The following DERA variants were observed in gnomAD, a reference collection of about 807,000 sequenced individuals.
DERA encodes the protein deoxyribose-phosphate aldolase.
A neutral mutation model predicts 41.1 loss-of-function variants in DERA; 15 were observed. That is an observed-to-expected ratio of 0.37 (90% CI 0.24 to 0.56). The LOEUF (loss-of-function observed/expected upper bound fraction) is 0.56. Ranked by LOEUF, DERA falls within the 20% of genes least tolerant of loss-of-function variation. The pLI, the probability that DERA is intolerant of heterozygous loss-of-function variation, is 0.81. For synonymous variants in DERA, 139 were observed against 137.4 expected (o/e 1.01, Z -0.08); for missense variants, 396 against 403.4 (o/e 0.98, Z 0.16).
At chr12:15,956,902 T>G in intron 1 of DERA, 34 bp from the exon 2 acceptor site, 1 of 1,465,736 alleles carries the variant, frequency 6.8e-7, no homozygotes, top group Non-Finnish European at 9.6e-7. Context: ...AATGAAACTT[T>G]AGGTTTCAGA....
Position 15,982,501 on chromosome 12 carries a change from G to A in DERA, c.637+65G>A, listed in dbSNP as rs1948739471. On this transcript the variant is annotated intron_variant, in intron 6 of 8. Coordinates refer to ENST00000428559, the MANE Select transcript of DERA (RefSeq NM_015954.4). The surrounding 1 kb of genome is among the most constrained non-coding windows in gnomAD (Gnocchi z 4.0). ...GATGTTTTTAGGAGAAATTAAGTAA[G>A]TGAAAGCATTTAGCTATTATTAAAC... 6.7e-7 allele frequency: 1 copy of A among 1,484,588 alleles called. No homozygotes were observed. Among genetic ancestry groups the A allele is most frequent in the Non-Finnish European group, 9.0e-7 (1 of 1,110,656 alleles). 92.0% of individuals were successfully genotyped at this position (1,484,588 alleles called of 1,614,324 possible).
intron 5 of DERA, among the ~76,000 whole-genome samples, chr12:15,975,157 T>C (rs1948688590): frequency 6.6e-6 from 1 of 151,142 alleles, no homozygotes; most frequent in African/African-American, 2.4e-5. Flanking sequence ...CAGACCAGAG[T>C]TTTGTTTTAT....
rs1312272214 is a variant in DERA at position 16,004,917 on chromosome 12, C to T, written c.637+22481C>T. On this transcript the variant is annotated intron_variant, in intron 6 of 8. Coordinates refer to ENST00000428559, the MANE Select transcript of DERA (RefSeq NM_015954.4). This position sits in a 1 kb window ranked among gnomAD's most constrained non-coding sequence, Gnocchi z 4.2. ...TTGATAATTTAATGGGATTTATGAA[C>T]CTATTTTAAGAGTTAGAGTCTGTGA... Among the ~76,000 whole-genome samples, 1 of 152,022 alleles carries T rather than the reference C, an allele frequency of 6.6e-6. No individual in the cohort carries two copies. The highest frequency in any genetic ancestry group is 2.4e-5 in the African/African-American group (1 of 41,384).
At chr12:15,923,625 T>G (rs1948261637) in intron 1 of DERA, among the ~76,000 whole-genome samples, 1 of 152,122 alleles carries the variant, frequency 6.6e-6, no homozygotes, top group African/African-American at 2.4e-5. Context: ...TACCTTGACT[T>G]AAAAATTCTT....
At chr12:15,964,157 A>G (rs906750360) in intron 5 of DERA, among the ~76,000 whole-genome samples, 14 of 152,288 alleles carry the variant, frequency 9.2e-5, no homozygotes, top group African/African-American at 3.4e-4. Flanking sequence ...CTGAAGCTCC[A>G]GCACCTTACA....
rs892919517 is a variant in DERA, at chr12:15,999,890, C to A, written c.637+17454C>A. Among the ~76,000 whole-genome samples, 2 of 152,092 alleles carry A rather than the reference C, an allele frequency of 1.3e-5. No homozygotes were observed. The highest frequency in any genetic ancestry group is 2.9e-5 in the Non-Finnish European group (2 of 68,018). On this transcript the variant is annotated intron_variant, in intron 6 of 8. Transcript: ENST00000428559. The surrounding 1 kb of genome is among the most constrained non-coding windows in gnomAD (Gnocchi z 5.3). ...TGCTTTGTAGAAGCAGAGCAGTGAT[C>A]AGATTTTCATTTTAGGGACATAACC...
rs1191753867 is a variant in DERA, at chr12:15,967,533, T to A, written c.508+4586T>A. Among the ~76,000 whole-genome samples the A allele has an allele frequency of 6.6e-6, 1 of 152,244 alleles. No homozygotes were observed. Among genetic ancestry groups the A allele is most frequent in the Non-Finnish European group, 1.5e-5 (1 of 68,044 alleles). On this transcript the variant is annotated intron_variant, in intron 5 of 8. Transcript: ENST00000428559. The surrounding 1 kb of genome is among the most constrained non-coding windows in gnomAD (Gnocchi z 4.9). ...TTTTTTCTTGATTATTCCAAACTGT[T>A]TCATTACTGATTATATTATCCCAGA...
chr12:15,984,021 C>A lies in DERA; in HGVS notation c.637+1585C>A, dbSNP rs1948748721. ...GAGGCTACTTGGTGTACAGGTAGCC[C>A]CCCTTTATGCTGCTTGCCAGCACAA... On this transcript the variant is annotated intron_variant, in intron 6 of 8. Transcript: ENST00000428559. This position sits in a 1 kb window ranked among gnomAD's most constrained non-coding sequence, Gnocchi z 4.5. Among the ~76,000 whole-genome samples the A allele has an allele frequency of 6.6e-6, 1 of 152,108 alleles. No individual in the cohort carries two copies. The highest frequency in any genetic ancestry group is 2.4e-5 in the African/African-American group (1 of 41,408).
chr12:15,952,938 T>C (rs1369394245), intron 1 of DERA, among the ~76,000 whole-genome samples: 1 of 152,194 alleles, frequency 6.6e-6, no homozygotes, highest in Non-Finnish European at 1.5e-5. Context: ...TGCCCAGTTT[T>C]TTGGGCAGGG....
intron 5 of DERA, among the ~76,000 whole-genome samples, chr12:15,969,783 A>G (rs1948647898): frequency 6.6e-6 from 1 of 152,222 alleles, no homozygotes; most frequent in African/African-American, 2.4e-5. Flanking sequence ...CATCTCAAAA[A>G]TAAATTGGTA....
chr12:16,022,679 G>T (rs1374560878), intron 6 of DERA, among the ~76,000 whole-genome samples: 2 of 152,164 alleles, frequency 1.3e-5, no homozygotes, highest in Non-Finnish European at 2.9e-5. Flanking sequence ...ACCTGAGGTC[G>T]CAAGGTAAAC....
At position 16,015,687 on chromosome 12, in the gene DERA, T is replaced by A. The variant is rs547401356; in HGVS notation, c.638-16855T>A. ...ACTATCTATTTAAACCAATGACGGG[T>A]TACATCTTGTTGATTAGAGAGGAGG... On this transcript the variant is annotated intron_variant, in intron 6 of 8. Coordinates refer to ENST00000428559, the MANE Select transcript of DERA (RefSeq NM_015954.4). Among the ~76,000 whole-genome samples the A allele has an allele frequency of 3.1e-3, 471 of 152,298 alleles. 2 individuals are homozygous for A. The highest frequency in any genetic ancestry group is 0.011 in the African/African-American group (457 of 41,564).
chr12:16,033,048 T>C (rs894490171), intron 7 of DERA: 5 of 182,522 alleles, frequency 2.7e-5, no homozygotes, highest in Non-Finnish European at 5.7e-5. Context: ...CCTTGAGGAA[T>C]GGAAAGAATT....
chr12:15,961,426 A>C (rs1948586854), intron 4 of DERA, among the ~76,000 whole-genome samples: 1 of 152,182 alleles, frequency 6.6e-6, no homozygotes, highest in Non-Finnish European at 1.5e-5. Context: ...TGTGATCCCA[A>C]CACTTTGGGG....
intron 1 of DERA, among the ~76,000 whole-genome samples, chr12:15,942,759 A>T (rs1015428838): frequency 2.0e-5 from 3 of 152,252 alleles, no homozygotes; most frequent in Non-Finnish European, 4.4e-5. Context: ...AAGTAACACT[A>T]TTCACTGCAC....
In DERA at chr12:15,924,453, T is replaced by G. The variant is rs958429399; in HGVS notation, c.31+13039T>G. Among the ~76,000 whole-genome samples the G allele has an allele frequency of 2.0e-5, 3 of 152,228 alleles. No individual in the cohort carries two copies. Among genetic ancestry groups the G allele is most frequent in the Non-Finnish European group, 2.9e-5 (2 of 68,050 alleles). ...TAATTGAACTCAGTAAATATATTTT[T>G]CACTGTAGAGATTACAAATACAATA... On this transcript the variant is annotated intron_variant, in intron 1 of 8. Transcript: ENST00000428559. This position sits in a 1 kb window ranked among gnomAD's most constrained non-coding sequence, Gnocchi z 5.0.
rs1325287606 is a variant in DERA, at chr12:15,965,378, C to T, written c.508+2431C>T. Among the ~76,000 whole-genome samples, 1 of 152,132 alleles carries T rather than the reference C, an allele frequency of 6.6e-6. No individual in the cohort carries two copies. The highest frequency in any genetic ancestry group is 1.9e-4 in the East Asian group (1 of 5,188). On this transcript the variant is annotated intron_variant, in intron 5 of 8. Coordinates refer to ENST00000428559, the MANE Select transcript of DERA (RefSeq NM_015954.4). The surrounding 1 kb of genome is among the most constrained non-coding windows in gnomAD (Gnocchi z 4.1). ...AAACGTGTGCCATGGTGGTTTGCTG[C>T]ACCTATCAACCCATCACCTAGGTAG...
In DERA at chr12:16,009,285, A is replaced by T. The variant is rs1214901530; in HGVS notation, c.638-23257A>T. ...ATATTGGATTAAATTCAGCCCCTGG[A>T]GAGTGGAAATCCTAGGGTTTTATTC... is the stretch of plus-strand genomic sequence containing the variant. On this transcript the variant is annotated intron_variant, in intron 6 of 8. Transcript: ENST00000428559. This position sits in a 1 kb window ranked among gnomAD's most constrained non-coding sequence, Gnocchi z 5.3. Among the ~76,000 whole-genome samples the T allele has an allele frequency of 6.6e-6, 1 of 152,172 alleles. No homozygotes were observed. The highest frequency in any genetic ancestry group is 1.5e-5 in the Non-Finnish European group (1 of 68,024).
In DERA at chr12:15,993,710, C is replaced by T. The variant is rs78713770; in HGVS notation, c.637+11274C>T. On this transcript the variant is annotated intron_variant, in intron 6 of 8. Transcript: ENST00000428559. This position sits in a 1 kb window ranked among gnomAD's most constrained non-coding sequence, Gnocchi z 4.4. ...GTGAAAACTAATTAACTTGCTGTCT[C>T]ATCCATGGAATAGATTTAAATTCAG... Among the ~76,000 whole-genome samples, 976 of 152,246 alleles carry T rather than the reference C, an allele frequency of 6.4e-3. 15 individuals are homozygous for T. Among genetic ancestry groups the T allele is most frequent in the African/African-American group, 0.022 (914 of 41,544 alleles).
Sources: allele counts gnomAD v4.1 joint callset (sites outside exome capture counted in the v4.1 genomes callset), GRCh38; gene constraint gnomAD v4.1.1; non-coding constraint Gnocchi (gnomAD v3.1); transcripts MANE v1.5; gene names NCBI Gene and HGNC (gene_info 2026-07-23, HGNC 2026-07-21).